FAAH2: variants seen among roughly 807,000 people sequenced by gnomAD.
The protein encoded by FAAH2 is fatty-acid amide hydrolase 2.
Under a neutral mutation model 36.9 loss-of-function variants are expected in FAAH2, and 60 were observed. The ratio of observed to expected loss-of-function variants is 1.63; its 90% confidence interval spans 1.32 to 2.02. The LOEUF is 2.02. FAAH2 is among the 30% of genes most tolerant of loss of function. The probability of loss-of-function intolerance (pLI) is 0.00; values close to 1 mark genes in which losing one functional copy is unlikely to be tolerated. For synonymous variants in FAAH2, 214 were observed against 143.8 expected, an observed-to-expected ratio of 1.49 and a Z score of -3.49; for missense variants, 689 against 397.5, an observed-to-expected ratio of 1.73 and a Z score of -6.23.
the FAAH2 span, among the ~76,000 whole-genome samples, chrX:57,211,476 C>T: frequency 8.9e-6 from 1 of 111,772 alleles, no homozygotes; most frequent in Non-Finnish European, 1.9e-5. Context: ...AGCATGGAAC[C>T]AGGACCCCTG....
At chrX:57,372,445 A>G (rs1293239561) in intron 5 of FAAH2, among the ~76,000 whole-genome samples, 2 of 111,063 alleles carry the variant, frequency 1.8e-5, no homozygotes, top group Non-Finnish European at 3.8e-5. Flanking sequence ...ATACTTCTAT[A>G]TCTTCTTCTG....
intron 7 of FAAH2, chrX:57,393,270 C>T: frequency 2.6e-6 from 3 of 1,146,262 alleles, no homozygotes; most frequent in Non-Finnish European, 3.6e-6. Context: ...TCCAGGTTCT[C>T]CTCTATGTAA....
chrX:57,286,672 G>A, upstream of FAAH2: 1 of 498,650 alleles, frequency 2.0e-6, no homozygotes, highest in Admixed American at 5.6e-5. Flanking sequence ...AGCCCTGCAG[G>A]TGATGATAAA....
the FAAH2 span, among the ~76,000 whole-genome samples, chrX:57,254,726 T>A: frequency 9.0e-5 from 10 of 111,499 alleles, no homozygotes; most frequent in Non-Finnish European, 1.7e-4. Flanking sequence ...TTGAAACCAA[T>A]GAGAACAAAG....
the FAAH2 span, among the ~76,000 whole-genome samples, chrX:57,144,560 T>C: frequency 9.2e-6 from 1 of 109,272 alleles, no homozygotes; most frequent in South Asian, 3.9e-4. Flanking sequence ...GAACAGGTGG[T>C]ATTTGGTTAC....
At chrX:57,326,342 G>A (rs1222049295) in intron 3 of FAAH2, among the ~76,000 whole-genome samples, 2 of 113,982 alleles carry the variant, frequency 1.8e-5, no homozygotes, top group South Asian at 3.4e-4. Context: ...AGTTCTGTAG[G>A]TGTCTATTAG....
chrX:57,431,620 A>T (rs2056296322), intron 7 of FAAH2, among the ~76,000 whole-genome samples: 1 of 110,944 alleles, frequency 9.0e-6, no homozygotes, highest in Admixed American at 9.7e-5. Context: ...GTGCTGTGTT[A>T]GAGAGGGAGT....
intron 5 of FAAH2, among the ~76,000 whole-genome samples, chrX:57,343,333 T>A (rs1283901492): frequency 8.9e-6 from 1 of 112,200 alleles, no homozygotes; most frequent in Non-Finnish European, 1.9e-5. Context: ...TGAGACAGTA[T>A]CTCATTGTGG....
At chrX:57,275,276 A>G in the FAAH2 span, among the ~76,000 whole-genome samples, 702 of 112,595 alleles carry the variant, frequency 6.2e-3, 5 homozygotes, top group Non-Finnish European at 9.6e-3. Context: ...AAACTTTTAC[A>G]TTTATCTCTT....
At chrX:57,169,939 C>A in the FAAH2 span, among the ~76,000 whole-genome samples, 1 of 109,874 alleles carries the variant, frequency 9.1e-6, no homozygotes, top group African/African-American at 3.3e-5. Context: ...TGAATAGATT[C>A]ATGAACTATG....
At chrX:57,163,931 G>A in the FAAH2 span, among the ~76,000 whole-genome samples, 160 of 112,233 alleles carry the variant, frequency 1.4e-3, 4 homozygotes, top group East Asian at 0.036. Flanking sequence ...TTAACAAATG[G>A]AAAACAAAAC....
chrX:57,185,061 T>C, the FAAH2 span, among the ~76,000 whole-genome samples: 2 of 108,964 alleles, frequency 1.8e-5, no homozygotes, highest in Non-Finnish European at 3.8e-5. Context: ...TCCTCAAGCA[T>C]TTATTATTTG....
chrX:57,419,003 T>C (rs1166638660), intron 7 of FAAH2, among the ~76,000 whole-genome samples: 1 of 105,652 alleles, frequency 9.5e-6, no homozygotes, highest in Non-Finnish European at 1.9e-5. Flanking sequence ...TTACTGAGAA[T>C]GATGATTTCC....
rs1230113980 is a variant in FAAH2, at chrX:57,304,688, A to G, written c.276-5905A>G. ...GAGAGTTGCCTGAAAAATTGAAGTT[A>G]TATTTATAAAGGGAAAAAGTGGATT... On this transcript the variant is annotated intron_variant, in intron 2 of 10. Transcript: ENST00000374900. 2.7e-4 allele frequency among the ~76,000 whole-genome samples: 30 copies of G among 111,987 alleles called. No individual in the cohort carries two copies. In the Admixed American group the frequency reaches 2.8e-3, roughly 11 times the overall value.
chrX:57,194,044 T>C, the FAAH2 span, among the ~76,000 whole-genome samples: 4 of 111,774 alleles, frequency 3.6e-5, no homozygotes, highest in Admixed American at 9.5e-5. Context: ...CCTCATATAA[T>C]GAATTTGGAA....
chrX:57,147,504 C>A, the FAAH2 span, among the ~76,000 whole-genome samples: 3 of 111,512 alleles, frequency 2.7e-5, no homozygotes, highest in Non-Finnish European at 5.7e-5. Context: ...TTTAAAAGAA[C>A]CAGCTTTTTG....
At chrX:57,163,253 G>A in the FAAH2 span, among the ~76,000 whole-genome samples, 1 of 111,987 alleles carries the variant, frequency 8.9e-6, no homozygotes, top group South Asian at 3.7e-4. Flanking sequence ...GAGAACCACT[G>A]CTCTCTTCAA....
intron 5 of FAAH2, among the ~76,000 whole-genome samples, chrX:57,368,418 C>A: frequency 9.0e-6 from 1 of 110,991 alleles, no homozygotes; most frequent in East Asian, 2.9e-4. Flanking sequence ...GTGTCCTGCC[C>A]CAAGGGGAAC....
chrX:57,337,850 A>G (rs1296069920), intron 4 of FAAH2, among the ~76,000 whole-genome samples: 2 of 112,112 alleles, frequency 1.8e-5, no homozygotes, highest in Non-Finnish European at 3.8e-5. Context: ...AGCACAAGAC[A>G]AGGATGCCCT....
Sources: allele counts gnomAD v4.1 joint callset (sites outside exome capture counted in the v4.1 genomes callset), GRCh38; gene constraint gnomAD v4.1.1; transcripts MANE v1.5; gene names NCBI Gene and HGNC (gene_info 2026-07-23, HGNC 2026-07-21).